Variants in PCDH7 observed in about 807,000 individuals in gnomAD.
The protein encoded by PCDH7 is protocadherin-7.
A neutral mutation model predicts 58.9 loss-of-function variants in PCDH7; 17 were observed. The observed-to-expected ratio is 0.29, with a 90% CI of 0.20 to 0.43. The LOEUF (loss-of-function observed/expected upper bound fraction) is 0.43. Ranked by LOEUF, PCDH7 falls within the 20% of genes least tolerant of loss-of-function variation. The pLI, the probability that PCDH7 is intolerant of heterozygous loss-of-function variation, is 1.00. For synonymous variants in PCDH7, 664 were observed against 616.4 expected (o/e 1.08, Z -1.14); for missense variants, 1,274 against 1,441.0 (o/e 0.88, Z 1.88).
chr4:30,902,059 C>T (rs950807111), intron 1 of PCDH7, among the ~76,000 whole-genome samples: 1 of 152,112 alleles, frequency 6.6e-6, no homozygotes, highest in South Asian at 2.1e-4. Flanking sequence ...CAGAATAACA[C>T]GAGTAATTAC....
At chr4:31,036,035 T>C (rs906934725) in intron 3 of PCDH7, among the ~76,000 whole-genome samples, 1 of 152,200 alleles carries the variant, frequency 6.6e-6, no homozygotes, top group African/African-American at 2.4e-5. Flanking sequence ...TTGAACAAAA[T>C]CTTAGGAAGT....
intron 3 of PCDH7, among the ~76,000 whole-genome samples, chr4:31,128,146 TAC>T (rs144203433): frequency 1.9e-4 from 28 of 149,020 alleles, no homozygotes; most frequent in Middle Eastern, 3.5e-3. Flanking sequence ...TATACATATA[TAC>T]ACACACACAC....
At chr4:30,940,091 A>G (rs1393197049) in intron 2 of PCDH7, among the ~76,000 whole-genome samples, 1 of 152,018 alleles carries the variant, frequency 6.6e-6, no homozygotes. Context: ...GTGGTAGGCA[A>G]AAAAACAAAC....
At chr4:31,096,352 G>A (rs189490144) in intron 3 of PCDH7, among the ~76,000 whole-genome samples, 19 of 152,210 alleles carry the variant, frequency 1.2e-4, no homozygotes, top group Middle Eastern at 3.4e-3. Context: ...CATGAAAATA[G>A]AAAGTTGGGT....
At chr4:30,975,824 G>A (rs1426146845) in intron 3 of PCDH7, among the ~76,000 whole-genome samples, 1 of 152,174 alleles carries the variant, frequency 6.6e-6, no homozygotes, top group African/African-American at 2.4e-5. Context: ...ATCCCTTTGA[G>A]TGTATTAAGC....
chr4:31,012,165 C>T (rs79154528), intron 3 of PCDH7, among the ~76,000 whole-genome samples: 2 of 151,978 alleles, frequency 1.3e-5, no homozygotes, highest in Admixed American at 6.6e-5. Context: ...AAGCTACATC[C>T]ATCTCTCGGG....
intron 1 of PCDH7, among the ~76,000 whole-genome samples, chr4:30,788,633 G>A (rs1723722433): frequency 6.6e-6 from 1 of 151,972 alleles, no homozygotes; most frequent in African/African-American, 2.4e-5. Flanking sequence ...TCATATTGCT[G>A]GCTTTTAGAA....
chr4:31,010,492 T>C (rs1578554003), intron 3 of PCDH7, among the ~76,000 whole-genome samples: 2 of 151,970 alleles, frequency 1.3e-5, no homozygotes, highest in East Asian at 3.9e-4. Context: ...ATATGAGATA[T>C]ATCAATAAGA....
chr4:30,999,154 A>G (rs538733533), intron 3 of PCDH7, among the ~76,000 whole-genome samples: 1 of 152,202 alleles, frequency 6.6e-6, no homozygotes, highest in South Asian at 2.1e-4. Context: ...CGTGAATACT[A>G]ATTGTGTTAC....
chr4:31,090,320 T>G (rs548281588), intron 3 of PCDH7, among the ~76,000 whole-genome samples: 7 of 152,110 alleles, frequency 4.6e-5, no homozygotes, highest in Non-Finnish European at 8.8e-5. Context: ...ATTTATGAGG[T>G]ACATGAGATA....
intron 1 of PCDH7, among the ~76,000 whole-genome samples, chr4:30,894,655 T>C (rs1044466068): frequency 7.5e-5 from 11 of 146,600 alleles, no homozygotes; most frequent in Middle Eastern, 3.5e-3. Flanking sequence ...TCCAGGTAAA[T>C]GATCTTTTAA....
At chr4:31,118,881 G>T (rs1434822630) in intron 3 of PCDH7, among the ~76,000 whole-genome samples, 2 of 152,122 alleles carry the variant, frequency 1.3e-5, no homozygotes, top group Non-Finnish European at 2.9e-5. Flanking sequence ...AAGGAAAAAA[G>T]AGAAAATCGT....
rs536815856 is a variant in PCDH7 at position 31,093,323 on chromosome 4, C to T, written c.*8-49150C>T. 1.0e-3 allele frequency among the ~76,000 whole-genome samples: 153 copies of T among 152,234 alleles called. 1 individual carries two copies. Among genetic ancestry groups the T allele is most frequent in the African/African-American group, 3.2e-3 (133 of 41,562 alleles). ...AACAGCACTGTTTGCTTCCCTCTTG[C>T]TGTAAGCAGTAGTCAAAAGGTAAAT... is the stretch of plus-strand genomic sequence containing the variant. On this transcript the variant is annotated intron_variant, in intron 3 of 3. Transcript: ENST00000509759.
At chr4:30,847,476 T>TTAA (rs1184528021) in intron 1 of PCDH7, among the ~76,000 whole-genome samples, 1 of 152,196 alleles carries the variant, frequency 6.6e-6, no homozygotes, top group Non-Finnish European at 1.5e-5. Context: ...TCCACATGCA[T>TTAA]TAATGTCTGA....
At chr4:30,870,250 T>C (rs1055365159) in intron 1 of PCDH7, among the ~76,000 whole-genome samples, 2 of 152,096 alleles carry the variant, frequency 1.3e-5, no homozygotes, top group African/African-American at 4.8e-5. Context: ...TTCACTCTGA[T>C]GGTAGTTTAT....
At chr4:30,858,727 A>T (rs1381974739) in intron 1 of PCDH7, among the ~76,000 whole-genome samples, 3 of 152,080 alleles carry the variant, frequency 2.0e-5, no homozygotes, top group Non-Finnish European at 4.4e-5. Context: ...CTGTTTACTG[A>T]TTTCCTACCA....
chr4:30,957,297 G>A (rs1747959242), intron 3 of PCDH7, among the ~76,000 whole-genome samples: 1 of 152,124 alleles, frequency 6.6e-6, no homozygotes, highest in South Asian at 2.1e-4. Context: ...CACATTAGCT[G>A]ATTGTAATGG....
downstream of PCDH7, among the ~76,000 whole-genome samples, chr4:30,733,458 T>A (rs1472944588): frequency 6.6e-6 from 1 of 152,096 alleles, no homozygotes; most frequent in African/African-American, 2.4e-5. Context: ...ATTTAAAAAT[T>A]TTATTTTATT....
At chr4:31,139,846 G>A (rs1720036567) in intron 3 of PCDH7, among the ~76,000 whole-genome samples, 1 of 152,052 alleles carries the variant, frequency 6.6e-6, no homozygotes, top group South Asian at 2.1e-4. Flanking sequence ...CAGCCAATTA[G>A]GCTTGTCAAC....
Sources: gnomAD v4.1 joint callset for allele counts (sites outside exome capture counted in the v4.1 genomes callset) on GRCh38, gnomAD v4.1.1 for gene constraint, MANE v1.5 for transcripts, NCBI Gene and HGNC (gene_info 2026-07-23, HGNC 2026-07-21) for gene names.